CSMD3: variants seen among roughly 807,000 people sequenced by gnomAD.
CSMD3 encodes CUB and Sushi multiple domains 3.
In CSMD3, 177 loss-of-function variants were observed where a neutral mutation model predicts 435.2. That is an observed-to-expected ratio of 0.41 (90% CI 0.36 to 0.46). The LOEUF (loss-of-function observed/expected upper bound fraction) is 0.46, where lower values mean the gene tolerates loss of function less well. CSMD3 is among the 20% of genes least tolerant of loss of function. The pLI is 0.34. For synonymous variants in CSMD3, 1,656 were observed against 1,520.5 expected (o/e 1.09, Z -2.07); for missense variants, 4,265 against 4,504.6 (o/e 0.95, Z 1.52).
intron 32 of CSMD3, among the ~76,000 whole-genome samples, chr8:112,453,285 G>T (rs967349916): frequency 3.9e-5 from 6 of 152,028 alleles, no homozygotes; most frequent in African/African-American, 1.2e-4. Flanking sequence ...GCAAGAGAAA[G>T]AAATAAAAGG....
intron 9 of CSMD3, among the ~76,000 whole-genome samples, chr8:112,941,782 AT>A (rs2083458826): frequency 6.6e-6 from 1 of 151,710 alleles, no homozygotes; most frequent in Non-Finnish European, 1.5e-5. Context: ...TTTAATTTTA[AT>A]AGAATTTATT....
intron 10 of CSMD3, among the ~76,000 whole-genome samples, chr8:112,863,034 T>G (rs1161527680): frequency 6.6e-6 from 1 of 152,076 alleles, no homozygotes. Context: ...CTGACTTTTC[T>G]CTTTGTACAC....
At chr8:112,450,599 G>A (rs12114792) in intron 32 of CSMD3, among the ~76,000 whole-genome samples, 67,561 of 151,986 alleles carry the variant, frequency 0.44, 15,618 homozygotes, top group Middle Eastern at 0.6. Context: ...GGAAAACGCA[G>A]AGCTGAGGTG....
intron 3 of CSMD3, among the ~76,000 whole-genome samples, chr8:113,200,409 A>C (rs1162484537): frequency 1.3e-5 from 2 of 151,666 alleles, no homozygotes; most frequent in Non-Finnish European, 2.9e-5. Context: ...CAAGAGTGAT[A>C]ATCTTAAAAG....
chr8:112,439,547 A>G (rs748040249), intron 32 of CSMD3, among the ~76,000 whole-genome samples: 7 of 152,184 alleles, frequency 4.6e-5, no homozygotes, highest in African/African-American at 1.7e-4. Context: ...ATACAAAAAT[A>G]CAATTAATTT....
chr8:112,827,194 T>TATATATA (rs2079720087), intron 12 of CSMD3, among the ~76,000 whole-genome samples: 2 of 126,278 alleles, frequency 1.6e-5, no homozygotes, highest in South Asian at 5.0e-4. Flanking sequence ...TATATATATA[T>TATATATA]ATATATATAT....
chr8:113,406,138 C>G (rs574465080), intron 1 of CSMD3, among the ~76,000 whole-genome samples: 31 of 151,912 alleles, frequency 2.0e-4, no homozygotes, highest in Non-Finnish European at 3.8e-4. Context: ...TTACATATAA[C>G]AGCGACACAA....
intron 3 of CSMD3, among the ~76,000 whole-genome samples, chr8:113,275,446 G>C (rs562618916): frequency 1.3e-5 from 2 of 152,158 alleles, no homozygotes; most frequent in South Asian, 2.1e-4. Context: ...GTCTGACTCA[G>C]AATATGTAAG....
intron 32 of CSMD3, among the ~76,000 whole-genome samples, chr8:112,470,264 T>C (rs1468390479): frequency 2.0e-5 from 3 of 152,202 alleles, no homozygotes; most frequent in Non-Finnish European, 2.9e-5. Context: ...AAGACCTTAG[T>C]TCAATCCAAT....
intron 10 of CSMD3, among the ~76,000 whole-genome samples, chr8:112,868,047 GC>G (rs2081034259): frequency 6.6e-6 from 1 of 151,866 alleles, no homozygotes; most frequent in South Asian, 2.1e-4. Flanking sequence ...TATTCTATAT[GC>G]TTTTTTCTAT....
chr8:113,418,749 A>G (rs1340301085), intron 1 of CSMD3, among the ~76,000 whole-genome samples: 5 of 152,224 alleles, frequency 3.3e-5, no homozygotes, highest in Non-Finnish European at 5.9e-5. Context: ...GCAGACTAAC[A>G]TCAGCCCCCA....
At chr8:112,493,232 T>G (rs1226198352) in intron 30 of CSMD3, among the ~76,000 whole-genome samples, 1 of 152,154 alleles carries the variant, frequency 6.6e-6, no homozygotes, top group Non-Finnish European at 1.5e-5. Flanking sequence ...TAGTATCCAA[T>G]GCATATAGTC....
intron 3 of CSMD3, among the ~76,000 whole-genome samples, chr8:113,203,621 A>G (rs1256542351): frequency 1.3e-5 from 2 of 151,970 alleles, no homozygotes; most frequent in South Asian, 2.1e-4. Flanking sequence ...AAAATATCAT[A>G]TACCACTGAA....
chr8:112,866,272 A>T (rs186001908), intron 10 of CSMD3, among the ~76,000 whole-genome samples: 1 of 152,036 alleles, frequency 6.6e-6, no homozygotes, highest in Admixed American at 6.6e-5. Flanking sequence ...AATTCAAATC[A>T]CCTAGATCTC....
At chr8:113,411,792 C>T (rs368806915) in intron 1 of CSMD3, among the ~76,000 whole-genome samples, 3 of 152,224 alleles carry the variant, frequency 2.0e-5, no homozygotes, top group East Asian at 3.9e-4. Context: ...TGGGAATATG[C>T]TACCTACAGT....
intron 32 of CSMD3, among the ~76,000 whole-genome samples, chr8:112,471,201 C>G (rs1055094785): frequency 1.3e-5 from 2 of 152,104 alleles, no homozygotes; most frequent in Non-Finnish European, 2.9e-5. Flanking sequence ...CTCCCAAGAA[C>G]AGAGTATAAT....
intron 18 of CSMD3, among the ~76,000 whole-genome samples, chr8:112,650,803 A>G (rs1276164378): frequency 1.2e-5 from 1 of 83,740 alleles, no homozygotes; most frequent in African/African-American, 4.7e-5. Context: ...ATAACCAATT[A>G]GCACATTTCT....
chr8:112,694,142 T>C (rs552655197), intron 13 of CSMD3, among the ~76,000 whole-genome samples: 1 of 152,110 alleles, frequency 6.6e-6, no homozygotes, highest in Admixed American at 6.6e-5. Context: ...TTCTTATTGC[T>C]CTTTTAACTC....
At chr8:113,227,659 C>T (rs1271221091) in intron 3 of CSMD3, among the ~76,000 whole-genome samples, 1 of 151,554 alleles carries the variant, frequency 6.6e-6, no homozygotes, top group Non-Finnish European at 1.5e-5. Context: ...TTTGGCAGTT[C>T]CTGCCTCTCT....
Sources: gnomAD v4.1 joint callset for allele counts (sites outside exome capture counted in the v4.1 genomes callset) on GRCh38, gnomAD v4.1.1 for gene constraint, MANE v1.5 for transcripts, NCBI Gene and HGNC (gene_info 2026-07-23, HGNC 2026-07-21) for gene names.